ARHGAP23: variants seen among roughly 807,000 people sequenced by gnomAD.
ARHGAP23 encodes rho GTPase-activating protein 23.
A neutral mutation model predicts 136.3 loss-of-function variants in ARHGAP23; 34 were observed. The observed-to-expected ratio is 0.25, with a 90% CI of 0.19 to 0.33. The LOEUF (loss-of-function observed/expected upper bound fraction) is 0.33, where lower values mean the gene tolerates loss of function less well. Ranked by LOEUF, ARHGAP23 falls within the 10% of genes least tolerant of loss-of-function variation. ARHGAP23 has a pLI of 1.00. For missense variants in ARHGAP23, 1,808 were observed against 2,139.0 expected, an observed-to-expected ratio of 0.85 and a Z score of 3.05; for synonymous variants, 832 against 920.5, an observed-to-expected ratio of 0.90 and a Z score of 1.74.
At chr17:38,430,438 G>A (rs761142308) in intron 1 of ARHGAP23, among the ~76,000 whole-genome samples, 3 of 152,056 alleles carry the variant, frequency 2.0e-5, no homozygotes, top group African/African-American at 4.8e-5. Context: ...CCTGGCTCAC[G>A]GGGAAGAAGT....
At chr17:38,423,516 C>A (rs149141456), upstream of ARHGAP23, among the ~76,000 whole-genome samples, 2 of 151,908 alleles carry the variant, frequency 1.3e-5, no homozygotes, top group Non-Finnish European at 2.9e-5. Flanking sequence ...GGATTACAGG[C>A]GCACACCACC....
intron 23 of ARHGAP23, among the ~76,000 whole-genome samples, chr17:38,504,434 GCCTCGGGCACCAGGGCCT>G (rs2040585281): frequency 6.6e-6 from 1 of 152,198 alleles, no homozygotes; most frequent in African/African-American, 2.4e-5. Context: ...GGAAGGGGCT[GCCTCGGGCACCAGGGCCT>G]GGCCTCCCGC....
chr17:38,453,647 G>A (rs1597775286), intron 1 of ARHGAP23: 2 of 150,816 alleles, frequency 1.3e-5, no homozygotes, highest in South Asian at 4.2e-4. Context: ...CGGAGGGGGA[G>A]GCGTCAGCCC....
In ARHGAP23 at chr17:38,469,281, C is replaced by T; in HGVS notation, c.1786C>T (p.His596Tyr). 6.4e-7 allele frequency: 1 copy of T among 1,551,266 alleles called. No homozygotes were observed. The highest frequency in any genetic ancestry group is 8.7e-7 in the Non-Finnish European group (1 of 1,146,648). ...SPTFTFTLGR[H>Y]YSQDCSSIKA... is the part of the protein sequence containing the mutation. Reference sequence around the variant, plus strand: ...GACCTTCACTTTCACCCTCGGACGCCATTACTCGCAGGACTGCAGTGAGCA... The same window carrying T: ...GACCTTCACTTTCACCCTCGGACGCTATTACTCGCAGGACTGCAGTGAGCA... Residue 596 changes from histidine to tyrosine, a missense_variant, in exon 8 of 24, where the codon CAT becomes TAT. Physicochemically the swap from His to Tyr is moderately conservative, Grantham distance 83. This residue lies in a region of ARHGAP23 where 859 missense variants were observed against 936.4 expected (regional missense o/e 0.92). Transcript: ENST00000622683.
chr17:38,497,047 T>C (rs1430428847), intron 20 of ARHGAP23, among the ~76,000 whole-genome samples: 1 of 152,244 alleles, frequency 6.6e-6, no homozygotes, highest in African/African-American at 2.4e-5. Flanking sequence ...ACGTCAAAAC[T>C]TACTTTCTTG....
Position 38,495,228 on chromosome 17 carries a change from CTTT to C in ARHGAP23, c.3277-2538_3277-2536del, listed in dbSNP as rs11295890. Among the ~76,000 whole-genome samples, 216 of 135,452 alleles carry C rather than the reference CTTT, an allele frequency of 1.6e-3. 11 individuals are homozygous for C. Among genetic ancestry groups the C allele is most frequent in the Middle Eastern group, 3.8e-3 (1 of 266 alleles). 88.9% of individuals were successfully genotyped at this position (135,452 alleles called of 152,430 possible). Reference sequence around the variant, plus strand: ...CTCCAGAGCTTCCATTTTTCTTTTTCTTTTTTTTTTTTTTTTTTTTTGAGACAG... The same window carrying C: ...CTCCAGAGCTTCCATTTTTCTTTTTCTTTTTTTTTTTTTTTTTTGAGACAG... On this transcript the variant is annotated intron_variant, in intron 20 of 23. Transcript: ENST00000622683.
intron 1 of ARHGAP23, among the ~76,000 whole-genome samples, chr17:38,433,762 T>A (rs916676678): frequency 1.3e-5 from 2 of 152,120 alleles, no homozygotes; most frequent in Non-Finnish European, 2.9e-5. Context: ...TAGGTAGTCC[T>A]GAGAGGCTGC....
chr17:38,500,908 G>T, intron 23 of ARHGAP23: 1 of 485,142 alleles, frequency 2.1e-6, no homozygotes. Flanking sequence ...TCTGCAGTCA[G>T]ACAGTCCTGG....
rs2039110152 is a variant in ARHGAP23, at chr17:38,449,460, T to A, written c.64-8642T>A. On this transcript the variant is annotated intron_variant, in intron 1 of 23. Transcript: ENST00000622683. ...TGGCCGGCTCATCAACTTGGCCTGC[T>A]GGGGCTTGTCAGGCGGGAGTCTCTA... Among the ~76,000 whole-genome samples the A allele has an allele frequency of 1.3e-5, 2 of 152,156 alleles. 1 individual carries two copies. Among genetic ancestry groups the A allele is most frequent in the South Asian group, 4.1e-4 (2 of 4,822 alleles).
At chr17:38,422,765 A>G (rs2038531887) in intron 1 of ARHGAP23, among the ~76,000 whole-genome samples, 1 of 152,106 alleles carries the variant, frequency 6.6e-6, no homozygotes, top group Non-Finnish European at 1.5e-5. Flanking sequence ...TCCCTCCCCA[A>G]GGGGTGTTCA....
chr17:38,460,741 C>T (rs935234521), intron 2 of ARHGAP23, among the ~76,000 whole-genome samples, 164 bp from the exon 3 acceptor site: 3 of 152,158 alleles, frequency 2.0e-5, no homozygotes, highest in African/African-American at 7.2e-5. Context: ...TGGCCTCGGA[C>T]TTGGTGCCCC....
chr17:38,477,453 CA>C lies in ARHGAP23; in HGVS notation c.2119-125del. 1 of 936,874 alleles carries C rather than the reference CA, an allele frequency of 1.1e-6. No homozygotes were observed. The highest frequency in any genetic ancestry group is 1.3e-6 in the Non-Finnish European group (1 of 750,556). The allele number at this position is 936,874 out of a possible 1,614,324, so 58.0% of individuals were successfully genotyped here. On this transcript the variant is annotated intron_variant, in intron 11 of 23. Coordinates refer to ENST00000622683, the MANE Select transcript of ARHGAP23 (RefSeq NM_001199417.2). This position sits in a 1 kb window ranked among gnomAD's most constrained non-coding sequence, Gnocchi z 6.6. ...GCTGCCCAGGTCTAGCCGGGTGGAG[CA>C]GGGGGCTCCTGGTAGGCAGCGTGGG...
At chr17:38,496,774 G>A (rs2040401511) in intron 20 of ARHGAP23, among the ~76,000 whole-genome samples, 3 of 152,162 alleles carry the variant, frequency 2.0e-5, no homozygotes, top group Admixed American at 6.5e-5. Flanking sequence ...CCAACATGAC[G>A]AAACCCCATC....
Position 38,511,832 on chromosome 17 carries a change from C to G in ARHGAP23, c.*860C>G, listed in dbSNP as rs2040771526. ...GTGCCTGTTCCTTCCACAGCCCAGG[C>G]ACACAGAAGCCCACCTTCTTCCCCT... On this transcript the variant is annotated 3_prime_UTR_variant, in exon 24 of 24. Coordinates refer to ENST00000622683, the MANE Select transcript of ARHGAP23 (RefSeq NM_001199417.2). 1 of 152,204 alleles carries G rather than the reference C, an allele frequency of 6.6e-6. No individual in the cohort carries two copies. Among genetic ancestry groups the G allele is most frequent in the Non-Finnish European group, 1.5e-5 (1 of 68,100 alleles). 9.4% of individuals were successfully genotyped at this position (152,204 alleles called of 1,614,324 possible).
intron 1 of ARHGAP23, among the ~76,000 whole-genome samples, chr17:38,443,135 C>T (rs1035608730): frequency 2.0e-5 from 3 of 152,208 alleles, no homozygotes; most frequent in Non-Finnish European, 4.4e-5. Flanking sequence ...GCAAGTGTGG[C>T]CTTTTCTCTG....
At chr17:38,507,898 A>G (rs539166615) in intron 23 of ARHGAP23, among the ~76,000 whole-genome samples, 1 of 152,318 alleles carries the variant, frequency 6.6e-6, no homozygotes, top group East Asian at 1.9e-4. Context: ...TCCATTCATT[A>G]TTACACCATG....
rs927219941 is a variant in ARHGAP23 at position 38,463,414 on chromosome 17, C to T, written c.483+32C>T. The T allele has an allele frequency of 5.8e-6, 9 of 1,551,032 alleles. No individual in the cohort carries two copies. The African/African-American group carries it at 1.2e-4, about 21-fold the overall frequency. On this transcript the variant is annotated intron_variant, in intron 6 of 23. Coordinates refer to ENST00000622683, the MANE Select transcript of ARHGAP23 (RefSeq NM_001199417.2). ...CCAGCCCCTGTGGCCTGAGAGGAGA[C>T]CCCTGAGCCCTGGGGCAGCACCGGC...
At chr17:38,433,529 G>A (rs1567772342) in intron 1 of ARHGAP23, among the ~76,000 whole-genome samples, 1 of 152,218 alleles carries the variant, frequency 6.6e-6, no homozygotes, top group Non-Finnish European at 1.5e-5. Context: ...GGCAAGCACA[G>A]GCTGGAGAAT....
In ARHGAP23 at chr17:38,510,837, C is replaced by G. The variant is rs751747543; in HGVS notation, c.4341C>G (p.Leu1447=). The change falls in exon 24 of 24, where the codon CTC becomes CTG. Residue 1447 remains leucine (L), a synonymous_variant. Coordinates refer to ENST00000622683, the MANE Select transcript of ARHGAP23 (RefSeq NM_001199417.2). The surrounding 1 kb of genome is among the most constrained non-coding windows in gnomAD (Gnocchi z 4.6). ...ACAGTGACAACAAGGACTCCGGACT[C>G]AGCAGCCTGGAGTCCACCAAGGCGC... ...RAHSDNKDSG[L]SSLESTKARA... 1.4e-5 allele frequency: 21 copies of G among 1,509,214 alleles called. No individual in the cohort carries two copies. In the African/African-American group the frequency reaches 2.3e-4, roughly 17 times the overall value. The allele number at this position is 1,509,214 out of a possible 1,614,324, so 93.5% of individuals were successfully genotyped here. A position where few individuals can be genotyped will look rare whatever the true frequency, so the allele number is the denominator to read the frequency against.
Sources: gnomAD v4.1 joint callset for allele counts (sites outside exome capture counted in the v4.1 genomes callset) on GRCh38, gnomAD v4.1.1 for gene constraint, gnomAD v4.1.1 regional missense constraint, Gnocchi (gnomAD v3.1) non-coding constraint, MANE v1.5 for transcripts, NCBI Gene and HGNC (gene_info 2026-07-23, HGNC 2026-07-21) for gene names.